SP2: variants seen among roughly 807,000 people sequenced by gnomAD.
The protein encoded by SP2 is Sp2 transcription factor, also known as transcription factor Sp2.
In SP2, 9 loss-of-function variants were observed where a neutral mutation model predicts 50.1. The ratio of observed to expected loss-of-function variants is 0.18; its 90% CI spans 0.11 to 0.31. The LOEUF is 0.31. SP2 is among the 10% of genes least tolerant of loss of function. SP2 has a pLI of 1.00. For synonymous variants in SP2, 313 were observed against 326.6 expected (o/e 0.96, Z 0.45); for missense variants, 581 against 806.5 (o/e 0.72, Z 3.39).
At chr17:47,899,281 G>C (rs1056837358) in intron 1 of SP2, 1 of 152,150 alleles carries the variant, frequency 6.6e-6, no homozygotes, top group African/African-American at 2.4e-5. Context: ...GGGTGGAGGA[G>C]GTCTCACTTT....
At position 47,917,027 on chromosome 17, in the gene SP2, A is replaced by G. The variant is rs1379599914; in HGVS notation, c.956A>G (p.Gln319Arg). ...EQQQVVQIPQ[Q>R]ALRVVQAASA... ...CAGCAGGTGGTACAGATCCCCCAGCAGGCTCTGCGGGTGGTGCAGGCGGCA... is the reference window on the plus strand; with the variant it reads ...CAGCAGGTGGTACAGATCCCCCAGCGGGCTCTGCGGGTGGTGCAGGCGGCA... The change falls in exon 3 of 7, where the codon CAG (glutamine) becomes CGG (arginine). Residue 319 changes from glutamine (Q) to arginine (R), a missense_variant. Gln to Arg is a conservative substitution (Grantham distance 43). Around this residue, in one of 2 missense-constraint regions of SP2, gnomAD observed 397 missense variants for 491.0 expected, o/e 0.81. Transcript: ENST00000376741. The G allele has an allele frequency of 6.2e-7, 1 of 1,614,050 alleles. No individual in the cohort carries two copies. The highest frequency in any genetic ancestry group is 2.2e-5 in the East Asian group (1 of 44,902).
In SP2 at chr17:47,927,944, C is replaced by T; in HGVS notation, c.*120C>T. 1.5e-6 allele frequency: 1 copy of T among 658,746 alleles called. No individual in the cohort carries two copies. The highest frequency in any genetic ancestry group is 2.8e-6 in the Non-Finnish European group (1 of 360,722). 40.8% of individuals were successfully genotyped at this position (658,746 alleles called of 1,614,324 possible). ...TGCCCTCAGCCCCACTCCTGTTCTGCAACTGTCCCCACAGGAAGGGGCTCT... is the reference window on the plus strand; with the variant it reads ...TGCCCTCAGCCCCACTCCTGTTCTGTAACTGTCCCCACAGGAAGGGGCTCT... On this transcript the variant is annotated 3_prime_UTR_variant, in exon 7 of 7. Coordinates refer to ENST00000376741, the MANE Select transcript of SP2 (RefSeq NM_003110.6).
intron 6 of SP2, among the ~76,000 whole-genome samples, chr17:47,926,372 G>T (rs923222149): frequency 5.3e-5 from 8 of 151,312 alleles, no homozygotes; most frequent in African/African-American, 1.9e-4. Context: ...GAGTGCAGTG[G>T]CACAATCTTG....
At position 47,902,859 on chromosome 17, in the gene SP2, G is replaced by A. The variant is rs183391395; in HGVS notation, c.7+6566G>A. Among the ~76,000 whole-genome samples, 3 of 152,306 alleles carry A rather than the reference G, an allele frequency of 2.0e-5. No homozygotes were observed. The East Asian group carries it at 5.8e-4, about 29-fold the overall frequency. On this transcript the variant is annotated intron_variant, in intron 1 of 6. Transcript: ENST00000376741. ...CAACCTCCACCTCCCGGGTTCAAGC[G>A]ATTCTCCTTCCTCAGCCTCCCAAGG...
At chr17:47,930,505 T>TA (rs2035796414), downstream of SP2, among the ~76,000 whole-genome samples, 1 of 152,146 alleles carries the variant, frequency 6.6e-6, no homozygotes, top group Non-Finnish European at 1.5e-5. Flanking sequence ...GTTCAAAAGT[T>TA]ATGTCTGATC....
chr17:47,901,188 A>G (rs1345197334), intron 1 of SP2, among the ~76,000 whole-genome samples: 1 of 150,320 alleles, frequency 6.7e-6, no homozygotes, highest in Non-Finnish European at 1.5e-5. Flanking sequence ...TCGCTCTGTC[A>G]CCAGGCTGAA....
chr17:47,915,254 TG>T, intron 1 of SP2, 57 bp from the exon 2 acceptor site: 1 of 1,208,514 alleles, frequency 8.3e-7, no homozygotes, highest in Non-Finnish European at 1.2e-6. Flanking sequence ...CTGAGGCAAG[TG>T]GGCTTGCGTT....
intron 3 of SP2, among the ~76,000 whole-genome samples, chr17:47,922,586 T>C (rs903081230): frequency 6.6e-6 from 1 of 151,622 alleles, no homozygotes; most frequent in Non-Finnish European, 1.5e-5. Flanking sequence ...AGAGGAATCA[T>C]AGCTTATGAA....
At chr17:47,922,066 G>C (rs1317691858) in intron 3 of SP2, among the ~76,000 whole-genome samples, 1 of 152,136 alleles carries the variant, frequency 6.6e-6, no homozygotes, top group African/African-American at 2.4e-5. Context: ...TAGCACCACA[G>C]TGTTCCGTCT....
At chr17:47,930,278 A>G (rs1420912021), downstream of SP2, among the ~76,000 whole-genome samples, 2 of 152,184 alleles carry the variant, frequency 1.3e-5, no homozygotes, top group Non-Finnish European at 2.9e-5. Context: ...GGGGAATATT[A>G]ACAAAGTGAC....
At chr17:47,920,916 C>T (rs2035431068) in intron 3 of SP2, among the ~76,000 whole-genome samples, 2 of 152,302 alleles carry the variant, frequency 1.3e-5, no homozygotes, top group South Asian at 4.1e-4. Context: ...CAAAAAGAAA[C>T]TCTCTACCCT....
chr17:47,921,273 G>C lies in SP2; in HGVS notation c.1060-1689G>C, dbSNP rs374983538. Among the ~76,000 whole-genome samples the C allele has an allele frequency of 1.2e-4, 18 of 151,966 alleles. 1 individual carries two copies. The South Asian group carries it at 3.1e-3, about 26-fold the overall frequency. On this transcript the variant is annotated intron_variant, in intron 3 of 6. Coordinates refer to ENST00000376741, the MANE Select transcript of SP2 (RefSeq NM_003110.6). Reference sequence around the variant, plus strand: ...GCTGCTTTTTTGTTTTTTTGAGATGGAGTCTCGCTCTGTCACCCAGGCTGG... The same window carrying C: ...GCTGCTTTTTTGTTTTTTTGAGATGCAGTCTCGCTCTGTCACCCAGGCTGG...
chr17:47,926,759 TA>T (rs901496414), intron 6 of SP2, among the ~76,000 whole-genome samples: 278 of 142,774 alleles, frequency 1.9e-3, no homozygotes, highest in African/African-American at 1.8e-3. Context: ...GCCCATCTCT[TA>T]AAAAAAAAAA....
chr17:47,925,225 C>A, intron 5 of SP2, 123 bp from the exon 6 acceptor site: 1 of 1,415,230 alleles, frequency 7.1e-7, no homozygotes. Flanking sequence ...CACCTTGCCC[C>A]CTGCCTCCTT....
At chr17:47,925,604 C>G (rs922750907) in intron 6 of SP2, 63 bp downstream of exon 6, 5 of 1,325,856 alleles carry the variant, frequency 3.8e-6, no homozygotes, top group Non-Finnish European at 5.3e-6. Context: ...CTCCTCCCAC[C>G]CCCACTCTAC....
chr17:47,925,269 A>C (rs2144076451), intron 5 of SP2, 79 bp from the exon 6 acceptor site: 2 of 1,460,002 alleles, frequency 1.4e-6, no homozygotes, highest in East Asian at 4.6e-5. Flanking sequence ...TCCTCACTGC[A>C]TCCTGTTCCT....
At chr17:47,906,540 A>C (rs1047998456) in intron 1 of SP2, among the ~76,000 whole-genome samples, 19 of 152,198 alleles carry the variant, frequency 1.2e-4, no homozygotes, top group African/African-American at 4.6e-4. Flanking sequence ...TCTCTGAGGA[A>C]ATGGCATGCC....
chr17:47,927,137 A>G (rs1393544482), intron 6 of SP2, among the ~76,000 whole-genome samples: 1 of 152,212 alleles, frequency 6.6e-6, no homozygotes, highest in Non-Finnish European at 1.5e-5. Flanking sequence ...CTTGCACAGG[A>G]AGACTCTTAG....
chr17:47,915,529 C>T, intron 2 of SP2, 141 bp downstream of exon 2: 1 of 523,524 alleles, frequency 1.9e-6, no homozygotes. Context: ...ATTTTCTTTA[C>T]TGAGAAACTA....
Sources: gnomAD v4.1 joint callset for allele counts (sites outside exome capture counted in the v4.1 genomes callset) on GRCh38, gnomAD v4.1.1 for gene constraint, gnomAD v4.1.1 regional missense constraint, MANE v1.5 for transcripts, NCBI Gene and HGNC (gene_info 2026-07-23, HGNC 2026-07-21) for gene names.